Variants in PPP1R14B observed in about 807,000 individuals in gnomAD.
PPP1R14B encodes protein phosphatase 1 regulatory inhibitor subunit 14B.
Under a neutral mutation model 14.7 loss-of-function variants are expected in PPP1R14B, and 4 were observed. The observed-to-expected ratio is 0.27, with a 90% CI of 0.13 to 0.62. PPP1R14B has a LOEUF of 0.62. PPP1R14B is among the 20% of genes least tolerant of loss of function. PPP1R14B has a pLI of 0.85. For missense variants in PPP1R14B, 138 were observed against 201.5 expected (o/e 0.68, Z 1.91); for synonymous variants, 76 against 87.3 (o/e 0.87, Z 0.72).
chr11:64,246,270 A>G, intron 1 of PPP1R14B, 146 bp downstream of exon 1: 2 of 1,084,450 alleles, frequency 1.8e-6, no homozygotes, highest in Non-Finnish European at 2.6e-6. Context: ...AAGAGTATAT[A>G]TTGGGGGCGG....
intron 1 of PPP1R14B, chr11:64,246,201 T>C: frequency 6.5e-6 from 4 of 611,592 alleles, no homozygotes; most frequent in Non-Finnish European, 1.1e-5. Flanking sequence ...GGGAGTGGCA[T>C]GATGGGGGGC....
At chr11:64,245,486 GA>G (rs201808153) in intron 1 of PPP1R14B, 199 bp from the exon 2 acceptor site, 5 of 416,964 alleles carry the variant, frequency 1.2e-5, no homozygotes, top group Admixed American at 4.1e-5. Flanking sequence ...GTGGGGGGGG[GA>G]GCTTCCTGTC....
At chr11:64,245,021 C>T (rs545780938) in intron 2 of PPP1R14B, 59 bp from the exon 3 acceptor site, 69 of 1,529,216 alleles carry the variant, frequency 4.5e-5, no homozygotes, top group African/African-American at 3.3e-4. Flanking sequence ...GCCTGGAGCT[C>T]GCCTATACCC....
chr11:64,245,276 G>A lies in PPP1R14B; in HGVS notation c.270C>T (p.Ile90=). Residue 90 remains isoleucine (I), a synonymous_variant, in exon 2 of 4, where the codon ATC becomes ATT. Coordinates refer to ENST00000309318, the MANE Select transcript of PPP1R14B (RefSeq NM_138689.3). ...CATCCACGTCAATCTCCAGTTCTGG[G>A]ATCTCCTCTTCCTGGGGTGGGGGTG... is the stretch of plus-strand genomic sequence containing the variant. ...TRLYDCQEEE[I]PELEIDVDEL... is the part of the protein sequence containing the mutation. The A allele has an allele frequency of 6.3e-7, 1 of 1,594,360 alleles. No individual in the cohort carries two copies. The highest frequency in any genetic ancestry group is 8.6e-7 in the Non-Finnish European group (1 of 1,162,538).
chr11:64,246,627 G>C lies in PPP1R14B; in HGVS notation c.47C>G (p.Ala16Gly), dbSNP rs2030890452. Residue 16 changes from alanine (A) to glycine (G), a missense_variant, in exon 1 of 4, where the codon GCC becomes GGC. Physicochemically the swap from Ala to Gly is moderately conservative, Grantham distance 60 (BLOSUM62 0). Coordinates refer to ENST00000309318, the MANE Select transcript of PPP1R14B (RefSeq NM_138689.3). ...TGGGCCGCCACTGCCCGGCCCGGGG[G>C]CCGGGGCCGCCAACGCCGCGCCCCC... The part of the protein sequence containing the change: ...TAGGAALAAP[A>G]PGPGSGGPGP... The C allele has an allele frequency of 2.3e-6, 3 of 1,306,442 alleles. No individual in the cohort carries two copies. In the African/African-American group the frequency reaches 4.6e-5, roughly 20 times the overall value. 80.9% of individuals were successfully genotyped at this position (1,306,442 alleles called of 1,614,324 possible).
chr11:64,245,068 G>C (rs144448030), intron 2 of PPP1R14B, 106 bp from the exon 3 acceptor site: 99 of 1,455,294 alleles, frequency 6.8e-5, no homozygotes, highest in Non-Finnish European at 8.8e-5. Flanking sequence ...AGGCACAGGA[G>C]ATGCCACAAC....
rs1290314890 is a variant in PPP1R14B at position 64,245,261 on chromosome 11, A to C, written c.285T>G (p.Ile95Met). The change falls in exon 2 of 4, where the codon ATT (isoleucine) becomes ATG (methionine). Residue 95 changes from isoleucine (I) to methionine (M), a missense_variant. This residue lies in a region of PPP1R14B where 84 missense variants were observed against 137.5 expected (regional missense o/e 0.61). Coordinates refer to ENST00000309318, the MANE Select transcript of PPP1R14B (RefSeq NM_138689.3). ...CCATGTCCAGGAGCTCATCCACGTC[A>C]ATCTCCAGTTCTGGGATCTCCTCTT... Reference protein sequence around the residue: ...CQEEEIPELEIDVDELLDMES... With the variant: ...CQEEEIPELEMDVDELLDMES... 1.2e-6 allele frequency: 2 copies of C among 1,612,344 alleles called. No homozygotes were observed. Among genetic ancestry groups the C allele is most frequent in the Non-Finnish European group, 8.5e-7 (1 of 1,178,684 alleles).
At chr11:64,244,879 C>T (rs367852129) in intron 3 of PPP1R14B, 51 bp downstream of exon 3, 41 of 1,611,926 alleles carry the variant, frequency 2.5e-5, no homozygotes, top group African/African-American at 1.1e-4. Context: ...TGACAGGAGC[C>T]GGGCTCCCCT....
rs761501581 is a variant in PPP1R14B, at chr11:64,246,495, T to C, written c.179A>G (p.Tyr60Cys). The C allele has an allele frequency of 6.2e-7, 1 of 1,610,252 alleles. No individual in the cohort carries two copies. The highest frequency in any genetic ancestry group is 8.5e-7 in the Non-Finnish European group (1 of 1,179,290). ...VRRQGKVTVK[Y>C]DRKELRKRLN... is the part of the protein sequence containing the mutation. ...GCGCTTCCGTAGCTCCTTGCGGTCA[T>C]ACTTGACGGTGACCTTCCCTTGGCG... The change falls in exon 1 of 4, where the codon TAT (tyrosine) becomes TGT (cysteine). Residue 60 changes from tyrosine to cysteine, a missense_variant. Transcript: ENST00000309318.
In PPP1R14B at chr11:64,246,765, C is replaced by T. The variant is rs2030896462; in HGVS notation, c.-92G>A. 2 of 970,444 alleles carry T rather than the reference C, an allele frequency of 2.1e-6. No homozygotes were observed. The highest frequency in any genetic ancestry group is 3.5e-5 in the African/African-American group (2 of 56,490). 60.1% of individuals were successfully genotyped at this position (970,444 alleles called of 1,614,324 possible). On this transcript the variant is annotated 5_prime_UTR_variant, in exon 1 of 4. Transcript: ENST00000309318. ...CGGCTGGCTCGGGTTAGCTCGCCGG[C>T]TCCGCTCCGCGCGGCTCCGCGGCGA...
In PPP1R14B at chr11:64,245,171, C is replaced by T. The variant is rs745605457; in HGVS notation, c.342+33G>A. 15 of 1,605,738 alleles carry T rather than the reference C, an allele frequency of 9.3e-6. No individual in the cohort carries two copies. The East Asian group carries it at 3.1e-4, about 33-fold the overall frequency. On this transcript the variant is annotated intron_variant, in intron 2 of 3. Transcript: ENST00000309318. ...CAGCCTCACTTTCCCGGGGCAGTGCCTCAGGCAACCCATCGCCCCCCAGCC... is the reference window on the plus strand; with the variant it reads ...CAGCCTCACTTTCCCGGGGCAGTGCTTCAGGCAACCCATCGCCCCCCAGCC...
chr11:64,246,389 G>C, intron 1 of PPP1R14B, 27 bp downstream of exon 1: 2 of 1,593,698 alleles, frequency 1.3e-6, no homozygotes, highest in Non-Finnish European at 1.7e-6. Flanking sequence ...ACCGATTTTG[G>C]GGTGTCGGCG....
intron 1 of PPP1R14B, 41 bp from the exon 2 acceptor site, chr11:64,245,328 AGTTGGAGAGAGG>A (rs1392549267): frequency 1.3e-6 from 2 of 1,561,716 alleles, no homozygotes; most frequent in Non-Finnish European, 1.8e-6. Context: ...CATAAGCCTG[AGTTGGAGAGAGG>A]GTGTGAGAGG....
In PPP1R14B at chr11:64,244,613, G is replaced by C; in HGVS notation, c.*141C>G. The C allele has an allele frequency of 1.4e-6, 2 of 1,437,100 alleles. No homozygotes were observed. Among genetic ancestry groups the C allele is most frequent in the South Asian group, 2.7e-5 (2 of 73,758 alleles). The allele number at this position is 1,437,100 out of a possible 1,614,324, so 89.0% of individuals were successfully genotyped here. A position where few individuals can be genotyped will look rare whatever the true frequency, so the allele number is the denominator to read the frequency against. ...GTGGAAAACTGAGGGGGCAGGGGAA[G>C]AGACCCCTGGGCCAGGGGCACGAGG... On this transcript the variant is annotated 3_prime_UTR_variant, in exon 4 of 4. Coordinates refer to ENST00000309318, the MANE Select transcript of PPP1R14B (RefSeq NM_138689.3).
rs1350579151 is a variant in PPP1R14B, at chr11:64,244,605, C to T, written c.*149G>A. Reference sequence around the variant, plus strand: ...CCCCAAAAGTGGAAAACTGAGGGGGCAGGGGAAGAGACCCCTGGGCCAGGG... The same window carrying T: ...CCCCAAAAGTGGAAAACTGAGGGGGTAGGGGAAGAGACCCCTGGGCCAGGG... On this transcript the variant is annotated 3_prime_UTR_variant, in exon 4 of 4. Transcript: ENST00000309318. The T allele has an allele frequency of 2.1e-6, 3 of 1,427,610 alleles. No homozygotes were observed. The highest frequency in any genetic ancestry group is 1.9e-6 in the Non-Finnish European group (2 of 1,064,962). 88.4% of individuals were successfully genotyped at this position (1,427,610 alleles called of 1,614,324 possible).
chr11:64,245,108 T>C, intron 2 of PPP1R14B, 96 bp downstream of exon 2: 12 of 1,488,780 alleles, frequency 8.1e-6, no homozygotes, highest in Non-Finnish European at 1.0e-5. Context: ...GGCCCCATTC[T>C]GTTGAGGCAG....
In PPP1R14B at chr11:64,246,365, C is replaced by A. The variant is rs374348645; in HGVS notation, c.258+51G>T. The A allele has an allele frequency of 2.9e-3, 4,603 of 1,561,056 alleles. 12 individuals are homozygous for A. Among genetic ancestry groups the A allele is most frequent in the Non-Finnish European group, 3.5e-3 (4,072 of 1,153,570 alleles). On this transcript the variant is annotated intron_variant, in intron 1 of 3. Coordinates refer to ENST00000309318, the MANE Select transcript of PPP1R14B (RefSeq NM_138689.3). ...GCGAGCTCACAGTGGAGCTGCCAGG[C>A]GGACCGGCGCGAGACCGATTTTGGG...
At position 64,244,496 on chromosome 11, in the gene PPP1R14B, G is replaced by A. The variant is rs1005237106; in HGVS notation, c.*258C>T. 4.6e-6 allele frequency: 5 copies of A among 1,077,562 alleles called. No homozygotes were observed. The highest frequency in any genetic ancestry group is 5.1e-6 in the Non-Finnish European group (4 of 783,938). The allele number at this position is 1,077,562 out of a possible 1,614,324, so 66.8% of individuals were successfully genotyped here. A position where few individuals can be genotyped will look rare whatever the true frequency, so the allele number is the denominator to read the frequency against. On this transcript the variant is annotated 3_prime_UTR_variant, in exon 4 of 4. Transcript: ENST00000309318. ...CGAGCCTGTTAGCTGCACCAAAGGC[G>A]TATCCTAGCTTTATTAAAGGGCCCG...
rs1421705807 is a variant in PPP1R14B at position 64,245,206 on chromosome 11, T to G, written c.340A>C (p.Lys114Gln). The G allele has an allele frequency of 1.2e-6, 2 of 1,613,170 alleles. No individual in the cohort carries two copies. The highest frequency in any genetic ancestry group is 2.7e-5 in the African/African-American group (2 of 74,832). Residue 114 changes from lysine to glutamine, a missense_variant and splice_region_variant, in exon 2 of 4, where the codon AAG (lysine) becomes CAG (glutamine). This residue lies in a region of PPP1R14B where 84 missense variants were observed against 137.5 expected (regional missense o/e 0.61). Coordinates refer to ENST00000309318, the MANE Select transcript of PPP1R14B (RefSeq NM_138689.3). ...ESDDARAARV[K>Q]ELLVDCYKPT... The stretch of plus-strand genomic sequence containing the variant: ...CCATCGCCCCCCAGCCCCCTCACCT[T>G]GACCCTGGCAGCCCGGGCATCGTCA...
Sources: allele counts gnomAD v4.1 joint callset, GRCh38; gene constraint gnomAD v4.1.1; regional missense constraint gnomAD v4.1.1; transcripts MANE v1.5; gene names NCBI Gene and HGNC (gene_info 2026-07-23, HGNC 2026-07-21).